SLCO1B1: variants seen among roughly 807,000 people sequenced by gnomAD.
The protein encoded by SLCO1B1 is solute carrier organic anion transporter family member 1B1.
Under a neutral mutation model 70.1 loss-of-function variants are expected in SLCO1B1, and 81 were observed. The observed-to-expected ratio is 1.16, with a 90% confidence interval of 0.97 to 1.39. The LOEUF (loss-of-function observed/expected upper bound fraction) is 1.39. SLCO1B1 is among the 40% of genes most tolerant of loss of function. The pLI, the probability that SLCO1B1 is intolerant of heterozygous loss-of-function variation, is 0.00. For missense variants in SLCO1B1, 895 were observed against 799.6 expected, an observed-to-expected ratio of 1.12 and a Z score of -1.44; for synonymous variants, 283 against 271.5, an observed-to-expected ratio of 1.04 and a Z score of -0.42.
At chr12:21,168,213 ATATTG>A (rs1940714157) in intron 2 of SLCO1B1, among the ~76,000 whole-genome samples, 1 of 70,708 alleles carries the variant, frequency 1.4e-5, no homozygotes. Context: ...AGGTTCATCC[ATATTG>A]TAGCACATGA....
chr12:21,132,486 C>T (rs938016658), intron 1 of SLCO1B1, among the ~76,000 whole-genome samples: 26 of 152,220 alleles, frequency 1.7e-4, no homozygotes, highest in Admixed American at 7.8e-4. Context: ...TCCACATCCT[C>T]TCCAGCACCT....
Position 21,144,979 on chromosome 12 carries a change from A to T in SLCO1B1, c.84+3321A>T, listed in dbSNP as rs113514889. 9.2e-5 allele frequency among the ~76,000 whole-genome samples: 14 copies of T among 152,314 alleles called. 1 individual carries two copies. Among genetic ancestry groups the T allele is most frequent in the Admixed American group, 3.3e-4 (5 of 15,286 alleles). Reference sequence around the variant, plus strand: ...AAATAGACTTAACTACAGAGCCCACAGACATTATAAAGCAATTATGCAATC... The same window carrying T: ...AAATAGACTTAACTACAGAGCCCACTGACATTATAAAGCAATTATGCAATC... On this transcript the variant is annotated intron_variant, in intron 2 of 14. Coordinates refer to ENST00000256958, the MANE Select transcript of SLCO1B1 (RefSeq NM_006446.5).
At chr12:21,197,451 C>T (rs1394318000) in intron 8 of SLCO1B1, among the ~76,000 whole-genome samples, 2 of 151,860 alleles carry the variant, frequency 1.3e-5, no homozygotes, top group African/African-American at 2.4e-5. Flanking sequence ...TTTTATGAGC[C>T]AAATAGTAAA....
At chr12:21,161,622 G>A (rs571217985) in intron 2 of SLCO1B1, among the ~76,000 whole-genome samples, 8 of 152,062 alleles carry the variant, frequency 5.3e-5, no homozygotes, top group Non-Finnish European at 8.8e-5. Flanking sequence ...CCCGTGACAC[G>A]TGTTTACCTG....
At chr12:21,153,891 C>T (rs1449343957) in intron 2 of SLCO1B1, among the ~76,000 whole-genome samples, 1 of 151,686 alleles carries the variant, frequency 6.6e-6, no homozygotes, top group Non-Finnish European at 1.5e-5. Context: ...GTTATATTTT[C>T]TTATCATTTT....
At chr12:21,138,063 G>T (rs1401365452) in intron 1 of SLCO1B1, among the ~76,000 whole-genome samples, 1 of 152,224 alleles carries the variant, frequency 6.6e-6, no homozygotes, top group East Asian at 1.9e-4. Flanking sequence ...TGTCTGCCTT[G>T]ATAAGACAAT....
At chr12:21,158,368 A>G (rs11045801) in intron 2 of SLCO1B1, among the ~76,000 whole-genome samples, 19,855 of 152,262 alleles carry the variant, frequency 0.13, 1,792 homozygotes, top group Middle Eastern at 0.23. Context: ...GAATAAAAAC[A>G]TAGTTTTTCA....
chr12:21,231,200 C>T (rs1245208615), intron 14 of SLCO1B1, among the ~76,000 whole-genome samples: 1 of 152,002 alleles, frequency 6.6e-6, no homozygotes, highest in Non-Finnish European at 1.5e-5. Context: ...ATATGTGCTA[C>T]ATTTTCTTAA....
intron 2 of SLCO1B1, among the ~76,000 whole-genome samples, chr12:21,144,491 G>C (rs923260253): frequency 3.9e-5 from 6 of 152,110 alleles, no homozygotes; most frequent in South Asian, 2.1e-4. Context: ...AAATGTCTTT[G>C]AGGATAAAGT....
chr12:21,135,769 T>G lies in SLCO1B1; in HGVS notation c.-62+4533T>G, dbSNP rs1046374471. Among the ~76,000 whole-genome samples, 3 of 152,178 alleles carry G rather than the reference T, an allele frequency of 2.0e-5. No homozygotes were observed. In the East Asian group the frequency reaches 5.8e-4, roughly 29 times the overall value. The stretch of plus-strand genomic sequence containing the variant: ...GATTTCCTGACTACAGTGCACTGAT[T>G]GGTCTTGACTCTTTATCCAATTTGC... On this transcript the variant is annotated intron_variant, in intron 1 of 14. Coordinates refer to ENST00000256958, the MANE Select transcript of SLCO1B1 (RefSeq NM_006446.5).
chr12:21,201,273 A>G (rs1245953740), intron 9 of SLCO1B1, among the ~76,000 whole-genome samples: 1 of 152,154 alleles, frequency 6.6e-6, no homozygotes, highest in Non-Finnish European at 1.5e-5. Context: ...GAATTAAACA[A>G]CTTATCATGT....
At chr12:21,230,343 TTTTG>T (rs971703650) in intron 14 of SLCO1B1, among the ~76,000 whole-genome samples, 4 of 146,360 alleles carry the variant, frequency 2.7e-5, no homozygotes, top group African/African-American at 1.0e-4. Flanking sequence ...TTTTTTTTTT[TTTTG>T]GAGACATAGT....
intron 1 of SLCO1B1, among the ~76,000 whole-genome samples, chr12:21,133,638 G>A (rs1940173731): frequency 1.3e-5 from 2 of 152,072 alleles, no homozygotes; most frequent in Admixed American, 1.3e-4. Context: ...CTGTTTGTCT[G>A]TTATTGGTGT....
At chr12:21,209,547 G>A (rs556738986) in intron 11 of SLCO1B1, among the ~76,000 whole-genome samples, 1 of 152,286 alleles carries the variant, frequency 6.6e-6, no homozygotes, top group East Asian at 1.9e-4. Context: ...ATAGCAGCAT[G>A]ATTTACAGTC....
chr12:21,229,455 C>T (rs957143445), intron 14 of SLCO1B1, among the ~76,000 whole-genome samples: 6 of 152,258 alleles, frequency 3.9e-5, no homozygotes, highest in African/African-American at 9.6e-5. Context: ...CATAGTTTTG[C>T]GTTTTCCAGA....
intron 11 of SLCO1B1, among the ~76,000 whole-genome samples, chr12:21,215,567 G>A (rs1941348129): frequency 1.3e-5 from 2 of 152,078 alleles, no homozygotes; most frequent in Admixed American, 1.3e-4. Flanking sequence ...TGTGCTGCTG[G>A]ATTCAGTTTG....
At chr12:21,212,550 G>A (rs1941301005) in intron 11 of SLCO1B1, among the ~76,000 whole-genome samples, 1 of 126,782 alleles carries the variant, frequency 7.9e-6, no homozygotes, top group Non-Finnish European at 1.6e-5. Context: ...GTTGATTTGG[G>A]GTGGAGAGTT....
intron 14 of SLCO1B1, 124 bp downstream of exon 14, chr12:21,224,963 A>C: frequency 3.4e-6 from 2 of 584,542 alleles, no homozygotes; most frequent in Non-Finnish European, 6.0e-6. Context: ...CTGACTTTGC[A>C]TGCAGTATGG....
At chr12:21,172,616 A>G in intron 2 of SLCO1B1, 34 bp from the exon 3 acceptor site, 1 of 1,612,196 alleles carries the variant, frequency 6.2e-7, no homozygotes, top group Admixed American at 1.7e-5. Context: ...CCTTCGATTA[A>G]CCATTTTCCC....
Sources: gnomAD v4.1 joint callset for allele counts (sites outside exome capture counted in the v4.1 genomes callset) on GRCh38, gnomAD v4.1.1 for gene constraint, MANE v1.5 for transcripts, NCBI Gene and HGNC (gene_info 2026-07-23, HGNC 2026-07-21) for gene names.